Variants in WBP2NL observed in about 807,000 individuals in gnomAD.
WBP2NL encodes postacrosomal sheath WW domain-binding protein.
WBP2NL carries 27 observed loss-of-function variants against 23.3 expected under a neutral mutation model. The ratio of observed to expected loss-of-function variants is 1.16; its 90% CI spans 0.85 to 1.60. The LOEUF is 1.60. WBP2NL is among the 40% of genes most tolerant of loss of function. The probability of loss-of-function intolerance (pLI) is 0.00; values close to 1 mark genes in which losing one functional copy is unlikely to be tolerated. For synonymous variants in WBP2NL, 151 were observed against 145.9 expected (o/e 1.03, Z -0.25); for missense variants, 370 against 389.5 (o/e 0.95, Z 0.42).
At chr22:42,044,467 A>G (rs572301592) in intron 8 of WBP2NL, among the ~76,000 whole-genome samples, 2 of 152,340 alleles carry the variant, frequency 1.3e-5, no homozygotes, top group East Asian at 3.9e-4. Context: ...TAATAGAGAA[A>G]ATCAACAAAA....
intron 1 of WBP2NL, among the ~76,000 whole-genome samples, chr22:42,007,050 T>C (rs904198068): frequency 2.0e-5 from 3 of 152,264 alleles, no homozygotes; most frequent in African/African-American, 7.2e-5. Context: ...CTTTTCCACA[T>C]GGAAATAAAC....
chr22:42,049,671 C>A, intron 8 of WBP2NL, among the ~76,000 whole-genome samples: 1 of 109,486 alleles, frequency 9.1e-6, no homozygotes, highest in African/African-American at 3.6e-5. Flanking sequence ...GCCTGGGTGA[C>A]AGAGCGAGAC....
chr22:42,039,590 C>G (rs1925325477), intron 8 of WBP2NL, among the ~76,000 whole-genome samples: 1 of 152,144 alleles, frequency 6.6e-6, no homozygotes, highest in African/African-American at 2.4e-5. Context: ...GTGTGTGTTA[C>G]TAAGGATTTA....
Position 41,998,796 on chromosome 22 carries a change from G to A in WBP2NL, c.-23G>A. The A allele has an allele frequency of 6.2e-7, 1 of 1,605,226 alleles. No homozygotes were observed. Among genetic ancestry groups the A allele is most frequent in the Non-Finnish European group, 8.5e-7 (1 of 1,175,066 alleles). On this transcript the variant is annotated 5_prime_UTR_variant, in exon 1 of 6. Coordinates refer to ENST00000328823, the MANE Select transcript of WBP2NL (RefSeq NM_152613.3). ...AGGTCCCGCCCCTTTCCATCTACGGGGCGGCAGGAGGCCCGAAGCAAGATG... is the reference window on the plus strand; with the variant it reads ...AGGTCCCGCCCCTTTCCATCTACGGAGCGGCAGGAGGCCCGAAGCAAGATG...
At chr22:42,006,272 G>A (rs1922233999) in intron 1 of WBP2NL, among the ~76,000 whole-genome samples, 1 of 150,110 alleles carries the variant, frequency 6.7e-6, no homozygotes, top group African/African-American at 2.5e-5. Flanking sequence ...CCAGGCTGGA[G>A]TGCAGTGGCA....
chr22:42,032,504 G>A (rs562416255), downstream of WBP2NL: 1 of 249,438 alleles, frequency 4.0e-6, no homozygotes, highest in Admixed American at 5.2e-5. Context: ...GAAAGCCTTT[G>A]CCTTCATGTT....
intron 8 of WBP2NL, among the ~76,000 whole-genome samples, chr22:42,053,450 CTCTTTT>C (rs200993535): frequency 0.011 from 1,644 of 151,344 alleles, 30 homozygotes; most frequent in African/African-American, 0.035. Flanking sequence ...TTTTTTTTTC[CTCTTTT>C]TCTTTTTCTT....
Position 41,998,868 on chromosome 22 carries a change from C to G in WBP2NL, c.50C>G (p.Pro17Arg). 1 of 1,611,720 alleles carries G rather than the reference C, an allele frequency of 6.2e-7. No individual in the cohort carries two copies. Among genetic ancestry groups the G allele is most frequent in the South Asian group, 1.1e-5 (1 of 90,908 alleles). The change falls in exon 1 of 6, where the codon CCT becomes CGT. Residue 17 changes from proline to arginine, a missense_variant. By Grantham distance (103) the Pro-to-Arg change is moderately radical. Coordinates refer to ENST00000328823, the MANE Select transcript of WBP2NL (RefSeq NM_152613.3). The stretch of plus-strand genomic sequence containing the variant: ...GAGAACCGCCGCGGAGCCCTCATCC[C>G]TAACGGTGAAAGGTGCCTGAGGGGA... ...HTENRRGALI[P>R]NGESLLKRSP...
intron 1 of WBP2NL, among the ~76,000 whole-genome samples, chr22:42,013,788 T>C (rs903038644): frequency 2.0e-5 from 3 of 151,982 alleles, no homozygotes; most frequent in Non-Finnish European, 4.4e-5. Context: ...TTTTTAATTT[T>C]TTTTTTTTTT....
At chr22:42,022,726 G>A (rs1924089739) in intron 5 of WBP2NL, among the ~76,000 whole-genome samples, 1 of 152,140 alleles carries the variant, frequency 6.6e-6, no homozygotes, top group South Asian at 2.1e-4. Context: ...ACCTTACTGA[G>A]GACTCGAGCC....
chr22:42,032,655 T>G (rs1020753698), downstream of WBP2NL: 95 of 404,730 alleles, frequency 2.3e-4, no homozygotes, highest in Non-Finnish European at 4.7e-4. Context: ...AGGTAGGAAG[T>G]GAAACGTATG....
At chr22:42,043,731 ATTT>A (rs133354) in intron 8 of WBP2NL, among the ~76,000 whole-genome samples, 10 of 148,426 alleles carry the variant, frequency 6.7e-5, no homozygotes, top group Non-Finnish European at 3.0e-5. Flanking sequence ...CTGGAGCTAG[ATTT>A]TTTTTTTTTT....
chr22:41,999,024 G>A, intron 1 of WBP2NL, 144 bp downstream of exon 1: 1 of 994,938 alleles, frequency 1.0e-6, no homozygotes, highest in Admixed American at 3.1e-5. Flanking sequence ...ACCTTTGGGA[G>A]CGCGCGCCCC....
Position 42,022,132 on chromosome 22 carries a change from A to C in WBP2NL, c.407-117A>C. The C allele has an allele frequency of 6.0e-6, 5 of 832,894 alleles. No individual in the cohort carries two copies. In the South Asian group the frequency reaches 7.3e-5, roughly 12 times the overall value. 51.6% of individuals were successfully genotyped at this position (832,894 alleles called of 1,614,324 possible). On this transcript the variant is annotated intron_variant, in intron 4 of 5. Transcript: ENST00000328823. Reference sequence around the variant, plus strand: ...CTTTTTTATCTTGTGTCTCAAGAGCATTGTTGGAAACACATGTAAGGTGGT... The same window carrying C: ...CTTTTTTATCTTGTGTCTCAAGAGCCTTGTTGGAAACACATGTAAGGTGGT...
intron 1 of WBP2NL, among the ~76,000 whole-genome samples, chr22:42,011,088 A>G (rs542142362): frequency 1.7e-4 from 26 of 152,268 alleles, no homozygotes; most frequent in African/African-American, 6.0e-4. Context: ...CTGACCTGCA[A>G]TTTTATTTTA....
At chr22:42,015,662 C>T (rs555149938) in intron 1 of WBP2NL, among the ~76,000 whole-genome samples, 1 of 152,124 alleles carries the variant, frequency 6.6e-6, no homozygotes, top group Non-Finnish European at 1.5e-5. Flanking sequence ...CTCAGCCTTC[C>T]GAAGTGCTAG....
At chr22:42,044,437 A>G (rs1311484170) in intron 8 of WBP2NL, among the ~76,000 whole-genome samples, 2 of 152,288 alleles carry the variant, frequency 1.3e-5, no homozygotes, top group South Asian at 2.1e-4. Context: ...GGGGACAAAC[A>G]TTCAAGCCAT....
At chr22:42,051,625 A>AT (rs1378861049) in intron 8 of WBP2NL, among the ~76,000 whole-genome samples, 1 of 152,162 alleles carries the variant, frequency 6.6e-6, no homozygotes, top group African/African-American at 2.4e-5. Context: ...GGAACTCTGC[A>AT]TTTTCTGCTT....
intron 1 of WBP2NL, among the ~76,000 whole-genome samples, chr22:42,000,436 C>G (rs182594423): frequency 6.6e-6 from 1 of 152,016 alleles, no homozygotes; most frequent in African/African-American, 2.4e-5. Context: ...TTTCTTTTTT[C>G]TTTTCTTAAG....
Sources: gnomAD v4.1 joint callset for allele counts (sites outside exome capture counted in the v4.1 genomes callset) on GRCh38, gnomAD v4.1.1 for gene constraint, MANE v1.5 for transcripts, NCBI Gene and HGNC (gene_info 2026-07-23, HGNC 2026-07-21) for gene names.